ASTN2: variants seen among roughly 807,000 people sequenced by gnomAD.
ASTN2 encodes astrotactin-2.
Under a neutral mutation model 139.8 loss-of-function variants are expected in ASTN2, and 54 were observed. The ratio of observed to expected loss-of-function variants is 0.39; its 90% confidence interval spans 0.31 to 0.48. ASTN2 has a LOEUF of 0.48. Among genes scored for constraint, ASTN2 ranks in the 20% least tolerant of loss-of-function variants. ASTN2 has a pLI of 0.95. For missense variants in ASTN2, 1,565 were observed against 1,725.1 expected (o/e 0.91, Z 1.64); for synonymous variants, 756 against 719.5 (o/e 1.05, Z -0.81).
intron 20 of ASTN2, among the ~76,000 whole-genome samples, chr9:116,468,628 T>C (rs1252330052): frequency 6.6e-6 from 1 of 152,234 alleles, no homozygotes; most frequent in Admixed American, 6.5e-5. Flanking sequence ...TCCTATAGTT[T>C]TGTCACACCT....
chr9:116,613,919 A>G (rs1262005125), intron 19 of ASTN2, among the ~76,000 whole-genome samples: 1 of 152,198 alleles, frequency 6.6e-6, no homozygotes, highest in East Asian at 1.9e-4. Flanking sequence ...TCAATTAGGA[A>G]AAGAGGAAGT....
chr9:117,304,565 T>C (rs917321058), intron 1 of ASTN2, among the ~76,000 whole-genome samples: 4 of 152,174 alleles, frequency 2.6e-5, no homozygotes, highest in Non-Finnish European at 5.9e-5. Context: ...AATCAAAGTC[T>C]CTGTGGCTCT....
At chr9:116,562,839 A>C (rs1239443349) in intron 19 of ASTN2, among the ~76,000 whole-genome samples, 1 of 151,464 alleles carries the variant, frequency 6.6e-6, no homozygotes, top group Non-Finnish European at 1.5e-5. Flanking sequence ...CTGAAGACAG[A>C]GGGAAGGTTC....
At chr9:116,817,849 T>C (rs981637221) in intron 12 of ASTN2, among the ~76,000 whole-genome samples, 14 of 152,214 alleles carry the variant, frequency 9.2e-5, no homozygotes, top group African/African-American at 3.1e-4. Context: ...CTACAATCAC[T>C]TCTAATTCTA....
intron 4 of ASTN2, among the ~76,000 whole-genome samples, chr9:117,115,659 T>C (rs1829365513): frequency 6.6e-6 from 1 of 152,204 alleles, no homozygotes; most frequent in African/African-American, 2.4e-5. Flanking sequence ...TTGATTTGTT[T>C]ACTCAACACG....
At chr9:116,778,491 G>A (rs1397140903) in intron 13 of ASTN2, among the ~76,000 whole-genome samples, 1 of 152,068 alleles carries the variant, frequency 6.6e-6, no homozygotes, top group East Asian at 1.9e-4. Flanking sequence ...AGACCATAGG[G>A]AAAATACTTG....
chr9:117,154,919 C>G (rs2132887433), intron 3 of ASTN2, among the ~76,000 whole-genome samples: 1 of 152,064 alleles, frequency 6.6e-6, no homozygotes, highest in East Asian at 1.9e-4. Flanking sequence ...CACCAGGCAC[C>G]ATTACCTCAT....
At chr9:116,748,610 T>C (rs900004421) in intron 13 of ASTN2, among the ~76,000 whole-genome samples, 1 of 152,216 alleles carries the variant, frequency 6.6e-6, no homozygotes, top group Non-Finnish European at 1.5e-5. Flanking sequence ...ACTCCATTCA[T>C]ACCATTGGTA....
At chr9:116,563,388 T>A (rs974714706) in intron 19 of ASTN2, among the ~76,000 whole-genome samples, 5 of 147,850 alleles carry the variant, frequency 3.4e-5, no homozygotes, top group South Asian at 2.1e-4. Context: ...AAAATAAAAA[T>A]AAAAATAAAA....
At chr9:117,398,230 A>T (rs1450943732) in intron 1 of ASTN2, among the ~76,000 whole-genome samples, 1 of 152,234 alleles carries the variant, frequency 6.6e-6, no homozygotes, top group Non-Finnish European at 1.5e-5. Context: ...AATGTTAATT[A>T]TAAGACGGAC....
intron 7 of ASTN2, among the ~76,000 whole-genome samples, chr9:116,989,019 A>G (rs1001742732): frequency 6.6e-6 from 1 of 152,188 alleles, no homozygotes; most frequent in Non-Finnish European, 1.5e-5. Flanking sequence ...TAATAATTCA[A>G]TTCCCCACCT....
intron 17 of ASTN2, among the ~76,000 whole-genome samples, chr9:116,628,945 A>C (rs532447858): frequency 5.3e-5 from 8 of 152,164 alleles, no homozygotes; most frequent in Non-Finnish European, 8.8e-5. Flanking sequence ...ACAGATGACG[A>C]GCATACCATT....
chr9:116,810,823 C>T (rs1273155990), intron 12 of ASTN2, among the ~76,000 whole-genome samples: 3 of 152,060 alleles, frequency 2.0e-5, no homozygotes, highest in East Asian at 1.9e-4. Flanking sequence ...CCCCTGGGCT[C>T]GATGGCTTCT....
At chr9:116,620,005 A>G (rs1856052009) in intron 18 of ASTN2, among the ~76,000 whole-genome samples, 1 of 152,088 alleles carries the variant, frequency 6.6e-6, no homozygotes, top group Admixed American at 6.5e-5. Context: ...TGCCCAACAC[A>G]AGACCTGACA....
Position 117,012,968 on chromosome 9 carries a change from G to A in ASTN2, c.1424-4709C>T, listed in dbSNP as rs538913547. Reference sequence around the variant, plus strand: ...CTACTGAGAACTTATAGCCCAGAAAGGAAGATCAGATATGAAAAATCTAAG... The same window carrying A: ...CTACTGAGAACTTATAGCCCAGAAAAGAAGATCAGATATGAAAAATCTAAG... On this transcript the variant is annotated intron_variant, in intron 6 of 22. Transcript: ENST00000313400. Among the ~76,000 whole-genome samples the A allele has an allele frequency of 3.9e-5, 6 of 152,304 alleles. No homozygotes were observed. The East Asian group carries it at 9.7e-4, about 25-fold the overall frequency.
intron 13 of ASTN2, among the ~76,000 whole-genome samples, chr9:116,801,585 C>CAAAAAAAAAAAAAAAAAAAAA (rs397893932): frequency 3.3e-4 from 20 of 60,374 alleles, no homozygotes; most frequent in East Asian, 6.2e-4. Flanking sequence ...GGCTCTGTCT[C>CAAAAAAAAAAAAAAAAAAAAA]AAAAAAAAAA....
intron 13 of ASTN2, among the ~76,000 whole-genome samples, chr9:116,785,379 T>C (rs1477827922): frequency 1.3e-5 from 2 of 152,196 alleles, no homozygotes; most frequent in African/African-American, 4.8e-5. Context: ...GTTTCTCTTC[T>C]GAACTGGTAT....
intron 16 of ASTN2, among the ~76,000 whole-genome samples, chr9:116,701,509 AT>A (rs1861168114): frequency 6.6e-6 from 1 of 152,226 alleles, no homozygotes; most frequent in African/African-American, 2.4e-5. Context: ...TGCTGAGGCA[AT>A]AACAGTGGCT....
intron 11 of ASTN2, among the ~76,000 whole-genome samples, chr9:116,847,048 C>CA (rs1216533140): frequency 4.0e-4 from 41 of 101,702 alleles, no homozygotes; most frequent in Admixed American, 9.1e-4. Flanking sequence ...AAACAAAAAA[C>CA]AAAAAAAAAC....
Sources: allele counts gnomAD v4.1 joint callset (sites outside exome capture counted in the v4.1 genomes callset), GRCh38; gene constraint gnomAD v4.1.1; transcripts MANE v1.5; gene names NCBI Gene and HGNC (gene_info 2026-07-23, HGNC 2026-07-21).